GLRA3: variants seen among roughly 807,000 people sequenced by gnomAD.
The protein encoded by GLRA3 is glycine receptor alpha 3.
Under a neutral mutation model 60.4 loss-of-function variants are expected in GLRA3, and 44 were observed. The observed-to-expected ratio is 0.73, with a 90% CI of 0.57 to 0.94. The LOEUF (loss-of-function observed/expected upper bound fraction) is 0.94. Ranked by LOEUF, GLRA3 falls within the 40% of genes least tolerant of loss-of-function variation. The pLI is 0.00. For synonymous variants in GLRA3, 223 were observed against 192.9 expected, an observed-to-expected ratio of 1.16 and a Z score of -1.29; for missense variants, 508 against 564.6, an observed-to-expected ratio of 0.90 and a Z score of 1.02.
At chr4:174,707,420 A>G (rs758246758) in intron 5 of GLRA3, among the ~76,000 whole-genome samples, 1 of 152,232 alleles carries the variant, frequency 6.6e-6, no homozygotes, top group Non-Finnish European at 1.5e-5. Flanking sequence ...TGTAGTACTC[A>G]GATGACTGTA....
chr4:174,683,164 T>A (rs1734420795), intron 5 of GLRA3, among the ~76,000 whole-genome samples: 1 of 152,170 alleles, frequency 6.6e-6, no homozygotes, highest in East Asian at 1.9e-4. Context: ...AATGGACTCA[T>A]TAAAAGTATA....
At chr4:174,684,201 A>G (rs571162870) in intron 5 of GLRA3, among the ~76,000 whole-genome samples, 1 of 151,828 alleles carries the variant, frequency 6.6e-6, no homozygotes, top group African/African-American at 2.4e-5. Flanking sequence ...ATTGTATTTT[A>G]AAAAAAAGTA....
chr4:174,740,855 C>T (rs1197781475), intron 3 of GLRA3, among the ~76,000 whole-genome samples: 1 of 152,182 alleles, frequency 6.6e-6, no homozygotes, highest in Non-Finnish European at 1.5e-5. Flanking sequence ...AATGGAATCA[C>T]ACAATATTTA....
rs535494045 is a variant in GLRA3 at position 174,712,929 on chromosome 4, GTATA to G, written c.574+2555_574+2558del. The G allele has an allele frequency of 2.0e-5, 3 of 151,458 alleles. No individual in the cohort carries two copies. In the East Asian group the frequency reaches 5.8e-4, roughly 29 times the overall value. 9.4% of individuals were successfully genotyped at this position (151,458 alleles called of 1,614,324 possible). ...TATATGCATATATATACACACATAT[GTATA>G]TATACACAGAAATGTAGGCATTTCT... On this transcript the variant is annotated intron_variant, in intron 5 of 9. Coordinates refer to ENST00000274093, the MANE Select transcript of GLRA3 (RefSeq NM_006529.4).
intron 7 of GLRA3, among the ~76,000 whole-genome samples, chr4:174,676,046 G>A (rs1734104537): frequency 6.6e-6 from 1 of 152,092 alleles, no homozygotes; most frequent in Non-Finnish European, 1.5e-5. Context: ...AAAGCTTCTT[G>A]GAAGCTATGC....
At chr4:174,739,614 CA>C (rs1736932031) in intron 3 of GLRA3, among the ~76,000 whole-genome samples, 1 of 152,128 alleles carries the variant, frequency 6.6e-6, no homozygotes, top group South Asian at 2.1e-4. Flanking sequence ...AGGAAGCCCA[CA>C]AAAATGTTAA....
intron 5 of GLRA3, among the ~76,000 whole-genome samples, chr4:174,702,373 T>C (rs1735353170): frequency 6.6e-6 from 1 of 152,240 alleles, no homozygotes; most frequent in African/African-American, 2.4e-5. Flanking sequence ...TACAGTACAG[T>C]ATAAATATAA....
At chr4:174,753,488 C>G (rs1334878991) in intron 3 of GLRA3, among the ~76,000 whole-genome samples, 1 of 152,156 alleles carries the variant, frequency 6.6e-6, no homozygotes, top group Non-Finnish European at 1.5e-5. Flanking sequence ...AATTCCCAAT[C>G]TTGCTGCCCA....
At chr4:174,650,108 T>G (rs1457775985) in intron 9 of GLRA3, among the ~76,000 whole-genome samples, 3 of 152,152 alleles carry the variant, frequency 2.0e-5, no homozygotes, top group African/African-American at 7.2e-5. Context: ...TCCAGCCCCA[T>G]GAGTCCACTT....
intron 1 of GLRA3, among the ~76,000 whole-genome samples, chr4:174,791,592 A>C (rs925455501): frequency 4.6e-5 from 7 of 152,092 alleles, no homozygotes; most frequent in African/African-American, 1.7e-4. Context: ...GGACACTATC[A>C]TACTTTCTTT....
intron 9 of GLRA3, 88 bp from the exon 10 acceptor site, chr4:174,644,152 G>A: frequency 1.4e-6 from 1 of 739,278 alleles, no homozygotes; most frequent in South Asian, 1.9e-5. Context: ...ATTTTATCAT[G>A]GTTAATATTT....
chr4:174,716,894 T>G (rs1735939297), intron 4 of GLRA3, among the ~76,000 whole-genome samples: 1 of 152,104 alleles, frequency 6.6e-6, no homozygotes, highest in Non-Finnish European at 1.5e-5. Flanking sequence ...GATGACTAAA[T>G]TAAATTACAT....
intron 3 of GLRA3, among the ~76,000 whole-genome samples, chr4:174,737,119 A>G (rs1426952050): frequency 6.6e-6 from 1 of 152,168 alleles, no homozygotes; most frequent in East Asian, 1.9e-4. Context: ...GTAATTTGGG[A>G]CTAATGTTAT....
intron 1 of GLRA3, among the ~76,000 whole-genome samples, chr4:174,808,364 T>C (rs1191032332): frequency 6.6e-6 from 1 of 152,098 alleles, no homozygotes; most frequent in Non-Finnish European, 1.5e-5. Flanking sequence ...CCCATGGTAA[T>C]ATCATAGGGC....
chr4:174,707,232 G>T (rs1266752767), intron 5 of GLRA3, among the ~76,000 whole-genome samples: 1 of 152,122 alleles, frequency 6.6e-6, no homozygotes, highest in Non-Finnish European at 1.5e-5. Flanking sequence ...TTCTGGGAGT[G>T]TATAATGATA....
chr4:174,780,880 C>G (rs1738839465), intron 2 of GLRA3, among the ~76,000 whole-genome samples: 1 of 152,102 alleles, frequency 6.6e-6, no homozygotes, highest in Non-Finnish European at 1.5e-5. Context: ...CTTTAACACC[C>G]CACTGTCAAC....
intron 5 of GLRA3, among the ~76,000 whole-genome samples, chr4:174,687,656 A>C (rs977934467): frequency 1.3e-5 from 2 of 152,172 alleles, no homozygotes; most frequent in Admixed American, 1.3e-4. Flanking sequence ...TCAAAATTGG[A>C]ATTTTGGAGA....
Position 174,700,325 on chromosome 4 carries a change from C to T in GLRA3, c.574+15163G>A, listed in dbSNP as rs1050154574. On this transcript the variant is annotated intron_variant, in intron 5 of 9. Coordinates refer to ENST00000274093, the MANE Select transcript of GLRA3 (RefSeq NM_006529.4). ...TCTATCAGCTCCATTTTTCCAGCAA[C>T]CTGTCATCACCTCATGTCTCTGTGT... Among the ~76,000 whole-genome samples the T allele has an allele frequency of 2.0e-5, 3 of 152,082 alleles. No homozygotes were observed. The South Asian group carries it at 6.2e-4, about 32-fold the overall frequency.
intron 1 of GLRA3, among the ~76,000 whole-genome samples, chr4:174,825,103 A>T (rs1295695249): frequency 6.6e-6 from 1 of 152,134 alleles, no homozygotes; most frequent in Non-Finnish European, 1.5e-5. Flanking sequence ...TGATTCTTCT[A>T]TACCTGGGAC....
Sources: gnomAD v4.1 joint callset for allele counts (sites outside exome capture counted in the v4.1 genomes callset) on GRCh38, gnomAD v4.1.1 for gene constraint, MANE v1.5 for transcripts, NCBI Gene and HGNC (gene_info 2026-07-23, HGNC 2026-07-21) for gene names.